Variants in PRKG1 observed in about 807,000 individuals in gnomAD.
PRKG1 encodes protein kinase cGMP-dependent 1.
Under a neutral mutation model 88.1 loss-of-function variants are expected in PRKG1, and 35 were observed. That is an observed-to-expected ratio of 0.40 (90% CI 0.30 to 0.53). The LOEUF is 0.53. Among genes scored for constraint, PRKG1 ranks in the 20% least tolerant of loss-of-function variants. The pLI, the probability that PRKG1 is intolerant of heterozygous loss-of-function variation, is 0.59. For missense variants in PRKG1, 540 were observed against 839.8 expected (o/e 0.64, Z 4.41); for synonymous variants, 303 against 292.5 (o/e 1.04, Z -0.37).
chr10:51,041,999 C>A (rs1040582636), intron 1 of PRKG1, among the ~76,000 whole-genome samples: 2 of 152,124 alleles, frequency 1.3e-5, no homozygotes, highest in African/African-American at 4.8e-5. Context: ...CCTGAGTCTC[C>A]ATGCTTAGAC....
intron 7 of PRKG1, among the ~76,000 whole-genome samples, chr10:52,101,421 T>A (rs1441533459): frequency 6.6e-6 from 1 of 152,208 alleles, no homozygotes; most frequent in Non-Finnish European, 1.5e-5. Context: ...GGCAGGTCAT[T>A]AGAATGACAT....
chr10:52,269,930 T>A (rs1344654064), intron 10 of PRKG1, among the ~76,000 whole-genome samples: 2 of 152,126 alleles, frequency 1.3e-5, no homozygotes, highest in African/African-American at 4.8e-5. Flanking sequence ...AAGAGAGGCA[T>A]GGCACATTGA....
intron 2 of PRKG1, among the ~76,000 whole-genome samples, chr10:51,334,741 C>T (rs1490574352): frequency 2.0e-5 from 3 of 152,166 alleles, no homozygotes; most frequent in Middle Eastern, 3.4e-3. Context: ...AAGGAGGGAA[C>T]CAGCAGTTAT....
At chr10:51,340,945 C>A (rs1474077999) in intron 2 of PRKG1, among the ~76,000 whole-genome samples, 1 of 152,158 alleles carries the variant, frequency 6.6e-6, no homozygotes, top group Non-Finnish European at 1.5e-5. Flanking sequence ...GACCTACATG[C>A]AGCTTGTTGA....
chr10:51,194,175 G>C, intron 2 of PRKG1, among the ~76,000 whole-genome samples: 1 of 151,474 alleles, frequency 6.6e-6, no homozygotes, highest in Non-Finnish European at 1.5e-5. Context: ...TACAAAATAT[G>C]GTGTATTTTG....
intron 2 of PRKG1, among the ~76,000 whole-genome samples, chr10:51,188,289 G>A (rs1220055937): frequency 6.6e-6 from 1 of 151,996 alleles, no homozygotes; most frequent in Non-Finnish European, 1.5e-5. Flanking sequence ...GCACACGTGA[G>A]TAACTTTAGA....
intron 3 of PRKG1, among the ~76,000 whole-genome samples, chr10:51,716,737 G>C (rs1033484480): frequency 6.6e-6 from 1 of 152,184 alleles, no homozygotes; most frequent in Non-Finnish European, 1.5e-5. Flanking sequence ...CTGTTGCACA[G>C]GCCAGAGTGC....
intron 5 of PRKG1, among the ~76,000 whole-genome samples, chr10:51,955,468 G>A (rs1241741252): frequency 6.6e-6 from 1 of 152,128 alleles, no homozygotes; most frequent in Non-Finnish European, 1.5e-5. Context: ...GTATTTAAAA[G>A]ATGAATAATT....
At position 52,293,926 on chromosome 10, in the gene PRKG1, T is replaced by A; in HGVS notation, c.*26T>A. ...TGTATTTCTCTTACCTGCTTCTGCC[T>A]TGCTGAAGACAGCTTTTTCTGAGAC... is the stretch of plus-strand genomic sequence containing the variant. On this transcript the variant is annotated 3_prime_UTR_variant, in exon 18 of 18. Coordinates refer to ENST00000373980, the MANE Select transcript of PRKG1 (RefSeq NM_006258.4). 1 of 1,571,020 alleles carries A rather than the reference T, an allele frequency of 6.4e-7. No individual in the cohort carries two copies. The highest frequency in any genetic ancestry group is 1.1e-5 in the South Asian group (1 of 88,788).
chr10:51,036,897 T>C (rs375826631), intron 1 of PRKG1, among the ~76,000 whole-genome samples: 1 of 152,176 alleles, frequency 6.6e-6, no homozygotes, highest in Non-Finnish European at 1.5e-5. Flanking sequence ...CTATGGACCA[T>C]ATGATTGGTG....
At chr10:51,397,025 T>A (rs1837595111) in intron 2 of PRKG1, among the ~76,000 whole-genome samples, 1 of 152,152 alleles carries the variant, frequency 6.6e-6, no homozygotes, top group Non-Finnish European at 1.5e-5. Flanking sequence ...CTAGTTTCAA[T>A]AAAGCTTATT....
rs1842020527 is a variant in PRKG1, at chr10:51,721,825, T to C, written c.593-82760T>C. ...TTGCTGAATTTTCAGTCTATAACCA[T>C]GTACGCTAACATGATGCATTTTCTC... On this transcript the variant is annotated intron_variant, in intron 3 of 17. Coordinates refer to ENST00000373980, the MANE Select transcript of PRKG1 (RefSeq NM_006258.4). Among the ~76,000 whole-genome samples the C allele has an allele frequency of 2.0e-5, 3 of 152,244 alleles. No homozygotes were observed. In the South Asian group the frequency reaches 6.2e-4, roughly 32 times the overall value.
intron 3 of PRKG1, among the ~76,000 whole-genome samples, chr10:51,623,342 A>G (rs1839255891): frequency 6.6e-6 from 1 of 152,208 alleles, no homozygotes; most frequent in South Asian, 2.1e-4. Context: ...CTGGGACCAC[A>G]GGCATGTGCC....
At chr10:51,144,388 G>C (rs1369483915) in intron 1 of PRKG1, among the ~76,000 whole-genome samples, 2 of 152,006 alleles carry the variant, frequency 1.3e-5, no homozygotes, top group African/African-American at 4.8e-5. Context: ...GTAATTCTCT[G>C]AGTTCTACTA....
chr10:52,275,176 A>G (rs189862990), intron 12 of PRKG1, among the ~76,000 whole-genome samples: 8 of 152,082 alleles, frequency 5.3e-5, no homozygotes, highest in Non-Finnish European at 1.2e-4. Context: ...GCAAAAGCTC[A>G]TCAGTTAAAC....
chr10:51,616,488 G>A (rs1308447060), intron 3 of PRKG1, among the ~76,000 whole-genome samples: 3 of 152,128 alleles, frequency 2.0e-5, no homozygotes, highest in African/African-American at 7.2e-5. Flanking sequence ...CAGTCCCCCA[G>A]GTGGCACATG....
intron 2 of PRKG1, among the ~76,000 whole-genome samples, chr10:51,206,099 T>C (rs931244245): frequency 1.5e-4 from 23 of 152,350 alleles, no homozygotes; most frequent in African/African-American, 5.3e-4. Flanking sequence ...TTCTGACTTT[T>C]CTTGTATTCG....
chr10:51,907,417 T>C (rs1277791619), intron 4 of PRKG1, 90 bp from the exon 5 acceptor site: 3 of 1,046,790 alleles, frequency 2.9e-6, no homozygotes, highest in Non-Finnish European at 4.1e-6. Flanking sequence ...GAAATAGTTT[T>C]GTATTTTAAT....
intron 1 of PRKG1, among the ~76,000 whole-genome samples, chr10:51,126,222 TTTATATATTTATAA>T (rs1426943804): frequency 8.2e-6 from 1 of 121,910 alleles, no homozygotes; most frequent in African/African-American, 3.3e-5. Flanking sequence ...TATTTATATA[TTTATATATTTATAA>T]TTATATATTT....
Sources: gnomAD v4.1 joint callset for allele counts (sites outside exome capture counted in the v4.1 genomes callset) on GRCh38, gnomAD v4.1.1 for gene constraint, MANE v1.5 for transcripts, NCBI Gene and HGNC (gene_info 2026-07-23, HGNC 2026-07-21) for gene names.